Variants in TUB observed in about 807,000 individuals in gnomAD.
TUB encodes tubby protein homolog.
A neutral mutation model predicts 59.7 loss-of-function variants in TUB; 33 were observed. The observed-to-expected ratio is 0.55, with a 90% CI of 0.42 to 0.74. The LOEUF (loss-of-function observed/expected upper bound fraction) is 0.74. Among genes scored for constraint, TUB ranks in the 30% least tolerant of loss-of-function variants. The pLI is 0.00. For synonymous variants in TUB, 293 were observed against 256.4 expected (o/e 1.14, Z -1.36); for missense variants, 659 against 672.0 (o/e 0.98, Z 0.21).
intron 1 of TUB, among the ~76,000 whole-genome samples, chr11:8,088,977 ACCCTGTAGG>A (rs1943718716): frequency 2.0e-5 from 3 of 152,138 alleles, no homozygotes; most frequent in Non-Finnish European, 4.4e-5. Flanking sequence ...TGTGGCCCAA[ACCCTGTAGG>A]CTGAGGGACT....
Position 8,098,834 on chromosome 11 carries a change from G to A in TUB, c.1075G>A (p.Glu359Lys). ...NPQKASSSTLESGTLRQELAA... is the reference protein window; with the variant it reads ...NPQKASSSTLKSGTLRQELAA... Reference sequence around the variant, plus strand: ...TCAGAAGGCCTCATCCTCCACTTTGGAAAGTGGAACCTTACGTCAGGAGCT... The same window carrying A: ...TCAGAAGGCCTCATCCTCCACTTTGAAAAGTGGAACCTTACGTCAGGAGCT... Residue 359 changes from glutamate to lysine, a missense_variant, in exon 9 of 12, where the codon GAA becomes AAA. Coordinates refer to ENST00000299506, the MANE Select transcript of TUB (RefSeq NM_177972.3). The A allele has an allele frequency of 6.2e-7, 1 of 1,614,140 alleles. No homozygotes were observed.
At chr11:8,040,804 T>C (rs1043499212) in intron 2 of TUB, among the ~76,000 whole-genome samples, 1 of 152,196 alleles carries the variant, frequency 6.6e-6, no homozygotes, top group Non-Finnish European at 1.5e-5. Context: ...TCATTTGTCA[T>C]GTGCAGCTGG....
intron 2 of TUB, among the ~76,000 whole-genome samples, chr11:8,040,649 G>T (rs1206959495): frequency 6.6e-6 from 1 of 152,174 alleles, no homozygotes; most frequent in Non-Finnish European, 1.5e-5. Flanking sequence ...TGAAGAGAAA[G>T]ACAGTGGTGT....
At chr11:8,092,419 T>C (rs2133842833) in intron 3 of TUB, among the ~76,000 whole-genome samples, 1 of 152,222 alleles carries the variant, frequency 6.6e-6, no homozygotes, top group East Asian at 1.9e-4. Context: ...AAAAGATAGT[T>C]TCTGGTCGTG....
intron 1 of TUB, among the ~76,000 whole-genome samples, chr11:8,032,275 C>A (rs986654197): frequency 6.6e-6 from 1 of 152,238 alleles, no homozygotes; most frequent in Non-Finnish European, 1.5e-5. Context: ...CCACCCCCAA[C>A]TACCACCAAG....
rs776447002 is a variant in TUB at position 8,097,624 on chromosome 11, C to T, written c.886-90C>T. The T allele has an allele frequency of 5.3e-4, 704 of 1,337,270 alleles. 1 individual carries two copies. The highest frequency in any genetic ancestry group is 1.0e-3 in the Admixed American group (58 of 55,824). 82.8% of individuals were successfully genotyped at this position (1,337,270 alleles called of 1,614,324 possible). On this transcript the variant is annotated intron_variant, in intron 7 of 11. Transcript: ENST00000299506. Reference sequence around the variant, plus strand: ...GCACATATGTGCGTTTGGGAGCTGACGCAACGGAGAGAGTCTGTGTGAGTG... The same window carrying T: ...GCACATATGTGCGTTTGGGAGCTGATGCAACGGAGAGAGTCTGTGTGAGTG...
chr11:8,028,495 C>A (rs1037719072), intron 1 of TUB, among the ~76,000 whole-genome samples: 2 of 152,178 alleles, frequency 1.3e-5, no homozygotes, highest in Non-Finnish European at 2.9e-5. Flanking sequence ...ATCTAAGAAT[C>A]CATTGCCAAA....
chr11:8,053,786 C>T (rs1439585852), intron 2 of TUB, among the ~76,000 whole-genome samples: 1 of 145,106 alleles, frequency 6.9e-6, no homozygotes, highest in Non-Finnish European at 1.5e-5. Context: ...CAGGCGTGAG[C>T]CACCGTGCCC....
At chr11:8,021,915 CAAAAA>C (rs5789558) in intron 1 of TUB, among the ~76,000 whole-genome samples, 7 of 116,992 alleles carry the variant, frequency 6.0e-5, no homozygotes, top group Admixed American at 1.7e-4. Flanking sequence ...GACTCCAGCT[CAAAAA>C]AAAAAAAAAA....
intron 2 of TUB, among the ~76,000 whole-genome samples, chr11:8,043,714 A>G (rs1737854365): frequency 6.6e-6 from 1 of 152,174 alleles, no homozygotes; most frequent in Admixed American, 6.5e-5. Context: ...TCTTAATGCA[A>G]GTGTATAGAA....
chr11:8,101,856 G>GAGACGGCGA lies in TUB; in HGVS notation c.*237_*238insAGACGGCGA. ...AAGGGATGAGAATAATTCTTTCCAT[G>GAGACGGCGA]CCACGAGATCAACACACACTCCCAC... On this transcript the variant is annotated 3_prime_UTR_variant, in exon 12 of 12. Transcript: ENST00000299506. 2.1e-6 allele frequency: 1 copy of GAGACGGCGA among 482,864 alleles called. No homozygotes were observed. The highest frequency in any genetic ancestry group is 3.4e-6 in the Non-Finnish European group (1 of 295,356). 29.9% of individuals were successfully genotyped at this position (482,864 alleles called of 1,614,324 possible). A position where few individuals can be genotyped will look rare whatever the true frequency, so the allele number is the denominator to read the frequency against.
At chr11:8,052,465 C>CTTT (rs11290658) in intron 2 of TUB, among the ~76,000 whole-genome samples, 13 of 85,330 alleles carry the variant, frequency 1.5e-4, no homozygotes, top group Non-Finnish European at 1.9e-4. Context: ...TGAATAGGAC[C>CTTT]TTTTTTTTTT....
chr11:8,083,026 G>A (rs1424982977), intron 1 of TUB, among the ~76,000 whole-genome samples: 1 of 152,242 alleles, frequency 6.6e-6, no homozygotes, highest in Non-Finnish European at 1.5e-5. Flanking sequence ...GGGCTGTGCT[G>A]ACTGAGAAGA....
chr11:8,075,910 G>T (rs1943441450), intron 2 of TUB: 1 of 152,258 alleles, frequency 6.6e-6, no homozygotes, highest in African/African-American at 2.4e-5. Flanking sequence ...ATGAGTTGCT[G>T]TCCCGTTGTT....
chr11:8,095,376 T>C, intron 4 of TUB, 122 bp from the exon 5 acceptor site: 1 of 1,036,854 alleles, frequency 9.6e-7, no homozygotes, highest in Non-Finnish European at 1.4e-6. Context: ...AAAATCACTT[T>C]TGCAAATAAA....
chr11:8,029,633 C>A (rs1040430037), intron 1 of TUB, among the ~76,000 whole-genome samples: 1 of 152,046 alleles, frequency 6.6e-6, no homozygotes, highest in African/African-American at 2.4e-5. Flanking sequence ...AGGTGATCTG[C>A]CCGCCTCAGC....
intron 11 of TUB, 46 bp from the exon 12 acceptor site, chr11:8,101,440 T>C (rs2133918659): frequency 6.2e-7 from 1 of 1,609,674 alleles, no homozygotes; most frequent in Non-Finnish European, 8.5e-7. Context: ...GGCTCTACCA[T>C]TCCTGTCCTG....
At chr11:8,083,382 C>T (rs940728708) in intron 1 of TUB, among the ~76,000 whole-genome samples, 2 of 152,204 alleles carry the variant, frequency 1.3e-5, no homozygotes, top group Middle Eastern at 3.2e-3. Flanking sequence ...TAGAAAGCTT[C>T]TCCCAGGGAG....
intron 11 of TUB, 102 bp downstream of exon 11, chr11:8,101,099 G>A (rs1199747599): frequency 9.4e-6 from 13 of 1,384,370 alleles, no homozygotes; most frequent in Non-Finnish European, 1.2e-5. Flanking sequence ...TAGAGTTTAA[G>A]AATGTGAGCT....
Sources: allele counts gnomAD v4.1 joint callset (sites outside exome capture counted in the v4.1 genomes callset), GRCh38; gene constraint gnomAD v4.1.1; transcripts MANE v1.5; gene names NCBI Gene and HGNC (gene_info 2026-07-23, HGNC 2026-07-21).